Variants in DTHD1 observed in about 807,000 individuals in gnomAD.
The protein encoded by DTHD1 is death domain-containing protein 1.
DTHD1 carries 59 observed loss-of-function variants against 74.8 expected under a neutral mutation model. The ratio of observed to expected loss-of-function variants is 0.79; its 90% CI spans 0.64 to 0.98. The LOEUF (loss-of-function observed/expected upper bound fraction) is 0.98, where lower values mean the gene tolerates loss of function less well. DTHD1 is among the 50% of genes least tolerant of loss of function. The pLI, the probability that DTHD1 is intolerant of heterozygous loss-of-function variation, is 0.00. For synonymous variants in DTHD1, 365 were observed against 371.1 expected (o/e 0.98, Z 0.19); for missense variants, 1,051 against 1,065.4 (o/e 0.99, Z 0.19).
At chr4:36,312,665 T>C (rs1457201092) in intron 7 of DTHD1, among the ~76,000 whole-genome samples, 1 of 151,672 alleles carries the variant, frequency 6.6e-6, no homozygotes, top group Non-Finnish European at 1.5e-5. Flanking sequence ...GACAGAGGGA[T>C]TGCCAGTGAC....
chr4:36,287,867 G>C (rs1045819854), intron 2 of DTHD1, among the ~76,000 whole-genome samples: 5 of 152,090 alleles, frequency 3.3e-5, no homozygotes, highest in African/African-American at 1.2e-4. Flanking sequence ...TGAGTTTCTT[G>C]TTGATTCTGG....
chr4:36,321,405 T>C (rs142851668), intron 8 of DTHD1, among the ~76,000 whole-genome samples: 427 of 152,294 alleles, frequency 2.8e-3, no homozygotes, highest in African/African-American at 9.9e-3. Flanking sequence ...CATTTGATCC[T>C]TGTAGGAGTG....
chr4:36,295,843 G>T (rs571335323), intron 5 of DTHD1, among the ~76,000 whole-genome samples: 71 of 151,784 alleles, frequency 4.7e-4, no homozygotes, highest in African/African-American at 1.5e-3. Flanking sequence ...AATATGATAA[G>T]GAGTCATTTC....
chr4:36,308,274 G>T lies in DTHD1; in HGVS notation c.1876G>T (p.Glu626Ter), dbSNP rs1359642035. The T allele has an allele frequency of 1.9e-6, 3 of 1,552,092 alleles. No individual in the cohort carries two copies. Among genetic ancestry groups the T allele is most frequent in the Non-Finnish European group, 2.6e-6 (3 of 1,147,058 alleles). The change falls in exon 7 of 10, where the codon GAA becomes TAA. Residue 626 changes from glutamate to a stop codon, truncating the protein, a stop_gained. Coordinates refer to ENST00000639862, the MANE Select transcript of DTHD1 (RefSeq NM_001170700.3). LOFTEE classifies it high-confidence loss of function. ...GGTTACTTTTGTGAAATCTTTAGAG[G>T]AAGCCATGCTCAGCACCACTGCCTG... ...HLVTFVKSLE[E>*]AMLSTTACIV...
At chr4:36,318,587 C>T (rs1430206822) in intron 8 of DTHD1, among the ~76,000 whole-genome samples, 1 of 148,634 alleles carries the variant, frequency 6.7e-6, no homozygotes, top group African/African-American at 2.5e-5. Flanking sequence ...ATCAGTTTTG[C>T]TTCTGTGCAT....
chr4:36,317,947 T>C (rs1178884577), intron 8 of DTHD1, among the ~76,000 whole-genome samples: 1 of 152,236 alleles, frequency 6.6e-6, no homozygotes, highest in Non-Finnish European at 1.5e-5. Context: ...GAGAATATAA[T>C]GCATTTGACC....
intron 2 of DTHD1, among the ~76,000 whole-genome samples, chr4:36,286,019 C>T (rs1336001058): frequency 6.6e-6 from 1 of 152,132 alleles, no homozygotes. Flanking sequence ...TGATCTTAGG[C>T]AAGTCATTTT....
At chr4:36,293,735 G>A (rs1056752494) in intron 4 of DTHD1, 30 bp downstream of exon 4, 2 of 1,446,934 alleles carry the variant, frequency 1.4e-6, no homozygotes, top group South Asian at 1.5e-5. Context: ...GTGAGTTCCT[G>A]CTCATAGATT....
intron 2 of DTHD1, among the ~76,000 whole-genome samples, chr4:36,287,431 G>A (rs28748076): frequency 0.068 from 10,348 of 152,210 alleles, 839 homozygotes; most frequent in African/African-American, 0.2. Flanking sequence ...ATTGTGAATT[G>A]CGCTGCTATA....
intron 5 of DTHD1, among the ~76,000 whole-genome samples, chr4:36,304,474 T>C (rs1578454154): frequency 2.0e-5 from 3 of 152,224 alleles, no homozygotes; most frequent in African/African-American, 7.2e-5. Context: ...GTTTCTAATC[T>C]GAATCTATGG....
At chr4:36,333,527 G>A (rs1419815278) in intron 8 of DTHD1, 1 of 152,180 alleles carries the variant, frequency 6.6e-6, no homozygotes, top group Non-Finnish European at 1.5e-5. Flanking sequence ...GCCACTAACA[G>A]ACAATTGCTT....
chr4:36,334,991 A>G (rs1035583399), intron 8 of DTHD1, among the ~76,000 whole-genome samples: 1 of 152,242 alleles, frequency 6.6e-6, no homozygotes, highest in Admixed American at 6.5e-5. Context: ...AGAGGGCACA[A>G]TAAATCAGTG....
chr4:36,337,212 G>T (rs1759059868), intron 8 of DTHD1, among the ~76,000 whole-genome samples: 1 of 152,098 alleles, frequency 6.6e-6, no homozygotes, highest in Non-Finnish European at 1.5e-5. Flanking sequence ...GAAGGGAAAA[G>T]AAGGCAACGT....
intron 8 of DTHD1, chr4:36,333,540 C>G (rs777760708): frequency 6.6e-6 from 1 of 152,090 alleles, no homozygotes; most frequent in Non-Finnish European, 1.5e-5. Context: ...AATTGCTTCG[C>G]TTGGAAGGGA....
chr4:36,311,538 C>A (rs1370087648), intron 7 of DTHD1, among the ~76,000 whole-genome samples: 1 of 149,672 alleles, frequency 6.7e-6, no homozygotes, highest in Non-Finnish European at 1.5e-5. Flanking sequence ...TTCTGAGAAG[C>A]TTTCTCTATC....
chr4:36,340,184 T>C lies in DTHD1; in HGVS notation c.2398+1015T>C, dbSNP rs531494797. Reference sequence around the variant, plus strand: ...AGAACTGCTGTAGGAAGGGTGACAGTAGATGAGGTTAGACATTTTGAGTGG... The same window carrying C: ...AGAACTGCTGTAGGAAGGGTGACAGCAGATGAGGTTAGACATTTTGAGTGG... On this transcript the variant is annotated intron_variant, in intron 9 of 9. Transcript: ENST00000639862. 4.6e-4 allele frequency among the ~76,000 whole-genome samples: 70 copies of C among 152,232 alleles called. 1 individual carries two copies. In the South Asian group the frequency reaches 0.014, roughly 30 times the overall value.
chr4:36,332,584 C>T (rs990582915), intron 8 of DTHD1, among the ~76,000 whole-genome samples: 1 of 129,620 alleles, frequency 7.7e-6, no homozygotes, highest in African/African-American at 3.2e-5. Context: ...TCTACAGTGA[C>T]ATCAGCTTAG....
intron 8 of DTHD1, among the ~76,000 whole-genome samples, chr4:36,321,647 T>C (rs754296767): frequency 8.5e-5 from 13 of 152,200 alleles, no homozygotes; most frequent in Non-Finnish European, 1.9e-4. Flanking sequence ...TTAACTTGCC[T>C]GAATCATCCT....
At chr4:36,325,063 T>C (rs776149883) in intron 8 of DTHD1, among the ~76,000 whole-genome samples, 8 of 152,186 alleles carry the variant, frequency 5.3e-5, no homozygotes, top group Non-Finnish European at 1.0e-4. Context: ...TGCACCTGTT[T>C]CTTCAGGGGA....
Sources: allele counts gnomAD v4.1 joint callset (sites outside exome capture counted in the v4.1 genomes callset), GRCh38; gene constraint gnomAD v4.1.1; transcripts MANE v1.5; gene names NCBI Gene and HGNC (gene_info 2026-07-23, HGNC 2026-07-21).